TCF12: variants seen among roughly 807,000 people sequenced by gnomAD.
TCF12 encodes the protein transcription factor 12.
A neutral mutation model predicts 86.0 loss-of-function variants in TCF12; 45 were observed. The observed-to-expected ratio is 0.52, with a 90% CI of 0.41 to 0.67. TCF12 has a LOEUF of 0.67. Among genes scored for constraint, TCF12 ranks in the 30% least tolerant of loss-of-function variants. TCF12 has a pLI of 0.00. For synonymous variants in TCF12, 330 were observed against 299.6 expected (o/e 1.10, Z -1.05); for missense variants, 881 against 859.9 (o/e 1.02, Z -0.31).
intron 5 of TCF12, among the ~76,000 whole-genome samples, chr15:57,103,781 G>C (rs111477269): frequency 4.6e-5 from 7 of 152,154 alleles, no homozygotes; most frequent in Non-Finnish European, 8.8e-5. Flanking sequence ...GGGAGAGGTG[G>C]ATCACTTGAG....
Position 57,288,940 on chromosome 15 carries a change from T to C in TCF12, c.*2795T>C, listed in dbSNP as rs2062017964. 6.6e-6 allele frequency: 1 copy of C among 152,198 alleles called. No individual in the cohort carries two copies. 9.4% of individuals were successfully genotyped at this position (152,198 alleles called of 1,614,324 possible). A position where few individuals can be genotyped will look rare whatever the true frequency, so the allele number is the denominator to read the frequency against. On this transcript the variant is annotated 3_prime_UTR_variant, in exon 21 of 21. Coordinates refer to ENST00000333725, the MANE Select transcript of TCF12 (RefSeq NM_207037.2). ...AAAGTGTCATAATTAAGTAATGGTATTGTTTACTGTTTAAAAGTTAAAAGA... is the reference window on the plus strand; with the variant it reads ...AAAGTGTCATAATTAAGTAATGGTACTGTTTACTGTTTAAAAGTTAAAAGA...
intron 4 of TCF12, among the ~76,000 whole-genome samples, chr15:57,089,230 A>G (rs2048835717): frequency 1.3e-5 from 2 of 152,220 alleles, no homozygotes; most frequent in African/African-American, 2.4e-5. Flanking sequence ...TGAACCTCTA[A>G]GGTGTTGGGG....
intron 5 of TCF12, among the ~76,000 whole-genome samples, chr15:57,123,877 G>A (rs531897005): frequency 2.7e-5 from 4 of 150,708 alleles, no homozygotes; most frequent in South Asian, 2.1e-4. Context: ...GGAGAATGGC[G>A]TGAACCCGGG....
At chr15:57,139,214 C>T (rs572805915) in intron 5 of TCF12, among the ~76,000 whole-genome samples, 8 of 152,264 alleles carry the variant, frequency 5.3e-5, no homozygotes, top group Middle Eastern at 3.4e-3. Context: ...TCCTCTTGCT[C>T]TCGTAATCTC....
intron 4 of TCF12, among the ~76,000 whole-genome samples, chr15:57,083,564 A>G (rs1660436866): frequency 2.0e-5 from 3 of 152,082 alleles, no homozygotes; most frequent in African/African-American, 7.2e-5. Context: ...TTCTTTCTAT[A>G]AACTTTATTT....
At chr15:57,226,595 T>C (rs1464627080) in intron 8 of TCF12, among the ~76,000 whole-genome samples, 1 of 152,180 alleles carries the variant, frequency 6.6e-6, no homozygotes, top group Non-Finnish European at 1.5e-5. Context: ...GGTAATTAGT[T>C]CTGTGTTGGA....
intron 19 of TCF12, among the ~76,000 whole-genome samples, chr15:57,277,115 C>G (rs1453456567): frequency 1.3e-5 from 2 of 152,060 alleles, no homozygotes; most frequent in Admixed American, 6.6e-5. Context: ...CAGTTTCAAC[C>G]TAGAATTCTA....
At chr15:57,173,191 C>G (rs2055651278) in intron 6 of TCF12, among the ~76,000 whole-genome samples, 1 of 152,102 alleles carries the variant, frequency 6.6e-6, no homozygotes, top group Admixed American at 6.5e-5. Context: ...ACAGGAAATT[C>G]AGAAGATATT....
At chr15:56,932,435 T>C (rs772999514) in intron 3 of TCF12, among the ~76,000 whole-genome samples, 5 of 152,172 alleles carry the variant, frequency 3.3e-5, no homozygotes, top group Admixed American at 1.3e-4. Context: ...TTAGTATCTC[T>C]AGAAATCTTT....
intron 3 of TCF12, among the ~76,000 whole-genome samples, chr15:56,954,365 A>G (rs1332268043): frequency 6.6e-6 from 1 of 152,214 alleles, no homozygotes; most frequent in African/African-American, 2.4e-5. Flanking sequence ...CTGGCTAGCC[A>G]TATGTAGAAA....
At chr15:56,967,139 C>G (rs1215222945) in intron 3 of TCF12, among the ~76,000 whole-genome samples, 3 of 127,894 alleles carry the variant, frequency 2.3e-5, no homozygotes, top group Non-Finnish European at 4.7e-5. Flanking sequence ...CCTTCCCCTC[C>G]CCCACCAAAA....
chr15:57,244,626 ATTTTTGTATT>A (rs2059777246), intron 13 of TCF12, among the ~76,000 whole-genome samples: 1 of 151,916 alleles, frequency 6.6e-6, no homozygotes, highest in African/African-American at 2.4e-5. Flanking sequence ...CACCCGGCTA[ATTTTTGTATT>A]TTTTTGTAGA....
intron 11 of TCF12, among the ~76,000 whole-genome samples, 187 bp downstream of exon 11, chr15:57,233,043 T>G (rs2059219953): frequency 6.9e-6 from 1 of 145,000 alleles, no homozygotes. Flanking sequence ...ATATATGTTA[T>G]ATATGTATAT....
At chr15:57,267,122 A>G (rs1409679928) in intron 18 of TCF12, among the ~76,000 whole-genome samples, 2 of 152,232 alleles carry the variant, frequency 1.3e-5, no homozygotes, top group Admixed American at 6.5e-5. Flanking sequence ...TCATTTATCA[A>G]TGATATGTGT....
intron 5 of TCF12, among the ~76,000 whole-genome samples, chr15:57,117,740 T>A (rs555908722): frequency 6.6e-6 from 1 of 152,320 alleles, no homozygotes; most frequent in Non-Finnish European, 1.5e-5. Flanking sequence ...TCCCCCAACT[T>A]TGGATGAAGG....
intron 5 of TCF12, among the ~76,000 whole-genome samples, chr15:57,147,552 T>A (rs2733334): frequency 0.68 from 103,912 of 151,922 alleles, 37,719 homozygotes; most frequent in Non-Finnish European, 0.81. Flanking sequence ...AAGTGAGATC[T>A]TTGCATGTTC....
At chr15:57,193,483 T>C (rs1396767428) in intron 7 of TCF12, among the ~76,000 whole-genome samples, 1 of 152,234 alleles carries the variant, frequency 6.6e-6, no homozygotes, top group Non-Finnish European at 1.5e-5. Flanking sequence ...TTTTACTGCT[T>C]ACAGCAAGCC....
chr15:56,973,568 A>G (rs572099497), intron 3 of TCF12, among the ~76,000 whole-genome samples: 13 of 152,302 alleles, frequency 8.5e-5, no homozygotes, highest in African/African-American at 2.4e-4. Context: ...AAAAGGAACA[A>G]TAGATTTAGA....
At chr15:56,986,558 A>C (rs2063188008) in intron 3 of TCF12, among the ~76,000 whole-genome samples, 1 of 152,186 alleles carries the variant, frequency 6.6e-6, no homozygotes, top group Non-Finnish European at 1.5e-5. Context: ...TTATGGCAGA[A>C]ACCAGAAATA....
Sources: gnomAD v4.1 joint callset for allele counts (sites outside exome capture counted in the v4.1 genomes callset) on GRCh38, gnomAD v4.1.1 for gene constraint, MANE v1.5 for transcripts, NCBI Gene and HGNC (gene_info 2026-07-23, HGNC 2026-07-21) for gene names.